Variants in LPAR1 observed in about 807,000 individuals in gnomAD.
LPAR1 encodes LPA receptor 1.
In LPAR1, 5 loss-of-function variants were observed where a neutral mutation model predicts 23.8. The ratio of observed to expected loss-of-function variants is 0.21; its 90% CI spans 0.11 to 0.44. The LOEUF is 0.44. LPAR1 is among the 20% of genes least tolerant of loss of function. LPAR1 has a pLI of 0.99. For missense variants in LPAR1, 311 were observed against 482.8 expected (o/e 0.64, Z 3.33); for synonymous variants, 160 against 164.7 (o/e 0.97, Z 0.22).
intron 2 of LPAR1, among the ~76,000 whole-genome samples, chr9:111,033,816 G>C (rs2097845714): frequency 6.6e-6 from 1 of 152,264 alleles, no homozygotes; most frequent in African/African-American, 2.4e-5. Flanking sequence ...GCCTCCCAAA[G>C]TGCTGGGATT....
At chr9:111,023,301 C>G (rs1349078364) in intron 2 of LPAR1, among the ~76,000 whole-genome samples, 1 of 151,662 alleles carries the variant, frequency 6.6e-6, no homozygotes, top group Non-Finnish European at 1.5e-5. Context: ...TATTTTGCTT[C>G]TGTTACTATT....
Position 110,941,862 on chromosome 9 carries a change from C to T in LPAR1, c.352G>A (p.Val118Ile). ...CCCTGACGAAGGAGCCATGTGCTAA[C>T]AGTCAGTCTCCGAGTATTGGGTCCT... ...NTGPNTRRLT[V>I]STWLLRQGLI... The change falls in exon 5 of 6, where the codon GTT becomes ATT. Residue 118 changes from valine (V) to isoleucine (I), a missense_variant. Transcript: ENST00000683809. This position sits in a 1 kb window ranked among gnomAD's most constrained non-coding sequence, Gnocchi z 6.1. The T allele has an allele frequency of 6.2e-7, 1 of 1,614,224 alleles. No individual in the cohort carries two copies. The highest frequency in any genetic ancestry group is 1.3e-5 in the African/African-American group (1 of 75,074).
chr9:110,903,882 CAAAAAAAAA>C (rs61456167), intron 5 of LPAR1, among the ~76,000 whole-genome samples: 2 of 77,252 alleles, frequency 2.6e-5, no homozygotes, highest in Admixed American at 1.3e-4. Context: ...AAGTGAATTG[CAAAAAAAAA>C]AAAAAAAAAA....
At chr9:110,926,965 A>C (rs891129721) in intron 5 of LPAR1, among the ~76,000 whole-genome samples, 26 of 152,232 alleles carry the variant, frequency 1.7e-4, no homozygotes, top group African/African-American at 6.3e-4. Context: ...ATCCCAACAC[A>C]AAGATTCTGT....
chr9:110,998,920 A>G (rs923079026), intron 2 of LPAR1, among the ~76,000 whole-genome samples: 2 of 152,200 alleles, frequency 1.3e-5, no homozygotes, highest in Non-Finnish European at 2.9e-5. Context: ...ATGTGGACAC[A>G]GGTGGGTTTT....
At chr9:110,996,573 T>C (rs532291721) in intron 2 of LPAR1, among the ~76,000 whole-genome samples, 27 of 152,174 alleles carry the variant, frequency 1.8e-4, no homozygotes, top group Admixed American at 4.6e-4. Context: ...TTCCTGGGGC[T>C]TGAGAAGGAA....
rs2078673440 is a variant in LPAR1 at position 110,874,350 on chromosome 9, A to T, written c.*1071T>A. The stretch of plus-strand genomic sequence containing the variant: ...CCATAAGAAAATGTGGCAATTTTGC[A>T]ATGAAAAAGATCTACTTATAAAACT... On this transcript the variant is annotated 3_prime_UTR_variant, in exon 6 of 6. Transcript: ENST00000683809. 1 of 152,658 alleles carries T rather than the reference A, an allele frequency of 6.6e-6. No individual in the cohort carries two copies. The highest frequency in any genetic ancestry group is 6.5e-5 in the Admixed American group (1 of 15,272). The allele number at this position is 152,658 out of a possible 1,614,324, so 9.5% of individuals were successfully genotyped here. A position where few individuals can be genotyped will look rare whatever the true frequency, so the allele number is the denominator to read the frequency against.
intron 5 of LPAR1, among the ~76,000 whole-genome samples, chr9:110,931,610 G>C (rs1179740948): frequency 6.6e-6 from 1 of 152,182 alleles, no homozygotes; most frequent in Non-Finnish European, 1.5e-5. Flanking sequence ...CCTATGTCCT[G>C]AATGGTATTG....
intron 5 of LPAR1, among the ~76,000 whole-genome samples, chr9:110,937,834 A>C (rs2094827481): frequency 6.6e-6 from 1 of 152,358 alleles, no homozygotes; most frequent in African/African-American, 2.4e-5. Context: ...GATGAAGTGA[A>C]AATGGAAACT....
chr9:110,936,753 C>T (rs1403775727), intron 5 of LPAR1, among the ~76,000 whole-genome samples: 4 of 152,132 alleles, frequency 2.6e-5, no homozygotes, highest in African/African-American at 9.7e-5. Flanking sequence ...TATGTCTCTC[C>T]CCAGGACTCA....
At chr9:110,982,663 AT>A (rs1412231311) in intron 2 of LPAR1, among the ~76,000 whole-genome samples, 1 of 151,982 alleles carries the variant, frequency 6.6e-6, no homozygotes, top group Non-Finnish European at 1.5e-5. Context: ...AAAAGAAATT[AT>A]GGATATAAAT....
Position 111,037,162 on chromosome 9 carries a change from C to A in LPAR1, c.-261-961G>T, listed in dbSNP as rs1236905018. On this transcript the variant is annotated intron_variant, in intron 1 of 5. Transcript: ENST00000683809. ...CACACTTATGCAAATACGTGAAAAA[C>A]AAACTGTTAGAGCCTGAAGGAATAG... Among the ~76,000 whole-genome samples the A allele has an allele frequency of 2.0e-5, 3 of 152,176 alleles. No individual in the cohort carries two copies. The East Asian group carries it at 5.8e-4, about 29-fold the overall frequency.
intron 2 of LPAR1, among the ~76,000 whole-genome samples, chr9:111,001,697 A>G (rs2097131725): frequency 6.6e-6 from 1 of 152,120 alleles, no homozygotes; most frequent in Non-Finnish European, 1.5e-5. Context: ...TTCTACTGTT[A>G]TTCTGTGCTA....
At chr9:110,877,567 T>C (rs990558028) in intron 5 of LPAR1, among the ~76,000 whole-genome samples, 1 of 152,216 alleles carries the variant, frequency 6.6e-6, no homozygotes, top group Non-Finnish European at 1.5e-5. Flanking sequence ...TAATGCATTA[T>C]TCATTGAGAA....
intron 2 of LPAR1, among the ~76,000 whole-genome samples, chr9:111,017,803 C>T (rs10123151): frequency 0.02 from 2,990 of 152,134 alleles, 92 homozygotes; most frequent in African/African-American, 0.068. Context: ...AGGCGGATCA[C>T]GAGATCAAGA....
chr9:110,902,708 T>C (rs1303614855), intron 5 of LPAR1, among the ~76,000 whole-genome samples: 1 of 152,120 alleles, frequency 6.6e-6, no homozygotes, highest in Non-Finnish European at 1.5e-5. Flanking sequence ...AAACAGCAGG[T>C]GGCTTGCAGC....
intron 5 of LPAR1, among the ~76,000 whole-genome samples, chr9:110,885,685 G>C (rs1389572296): frequency 6.6e-6 from 1 of 152,180 alleles, no homozygotes; most frequent in Non-Finnish European, 1.5e-5. Context: ...CCTTAAGATG[G>C]GTCACTGCCT....
chr9:110,892,767 G>GGGAAGGAAGGAAGGAA (rs757546909), intron 5 of LPAR1, among the ~76,000 whole-genome samples: 9 of 97,352 alleles, frequency 9.2e-5, no homozygotes, highest in African/African-American at 2.0e-4. Flanking sequence ...AGGGGAGGAA[G>GGGAAGGAAGGAAGGAA]GGAAGGAAGG....
intron 2 of LPAR1, among the ~76,000 whole-genome samples, chr9:111,020,917 T>A (rs2097548441): frequency 6.6e-6 from 1 of 152,180 alleles, no homozygotes; most frequent in Admixed American, 6.5e-5. Flanking sequence ...GTAAATATTT[T>A]ACTATGAATG....
Sources: allele counts gnomAD v4.1 joint callset (sites outside exome capture counted in the v4.1 genomes callset), GRCh38; gene constraint gnomAD v4.1.1; non-coding constraint Gnocchi (gnomAD v3.1); transcripts MANE v1.5; gene names NCBI Gene and HGNC (gene_info 2026-07-23, HGNC 2026-07-21).